Variants in MAPRE3 observed in about 807,000 individuals in gnomAD.
MAPRE3 encodes the protein microtubule associated protein RP/EB family member 3.
A neutral mutation model predicts 30.5 loss-of-function variants in MAPRE3; 2 were observed. The ratio of observed to expected loss-of-function variants is 0.07; its 90% CI spans 0.03 to 0.21. The LOEUF (loss-of-function observed/expected upper bound fraction) is 0.21. Ranked by LOEUF, MAPRE3 falls within the 10% of genes least tolerant of loss-of-function variation. The pLI, the probability that MAPRE3 is intolerant of heterozygous loss-of-function variation, is 1.00. For missense variants in MAPRE3, 204 were observed against 351.8 expected, an observed-to-expected ratio of 0.58 and a Z score of 3.36; for synonymous variants, 110 against 127.7, an observed-to-expected ratio of 0.86 and a Z score of 0.93.
chr2:26,977,123 A>T (rs541283914), intron 1 of MAPRE3, among the ~76,000 whole-genome samples: 3 of 152,352 alleles, frequency 2.0e-5, no homozygotes, highest in African/African-American at 7.2e-5. Flanking sequence ...AACCATATTT[A>T]TAAAGAAAAA....
intron 1 of MAPRE3, among the ~76,000 whole-genome samples, chr2:27,017,258 G>A (rs931658915): frequency 1.3e-5 from 2 of 152,224 alleles, no homozygotes; most frequent in African/African-American, 4.8e-5. Context: ...TTAGGGCAGA[G>A]TGTAGCACCA....
intron 3 of MAPRE3, 177 bp from the exon 4 acceptor site, chr2:27,023,919 A>C (rs1041075862): frequency 1.7e-5 from 10 of 594,194 alleles, no homozygotes; most frequent in Non-Finnish European, 2.7e-5. Flanking sequence ...TGGATCTGAC[A>C]CTAGGGCCTA....
intron 1 of MAPRE3, among the ~76,000 whole-genome samples, chr2:27,021,072 G>A (rs1667101762): frequency 6.6e-6 from 1 of 151,998 alleles, no homozygotes; most frequent in Non-Finnish European, 1.5e-5. Context: ...TATTTACATC[G>A]AAGTGACATG....
rs1666225278 is a variant in MAPRE3, at chr2:26,986,599, T to C, written c.-8+15797T>C. On this transcript the variant is annotated intron_variant, in intron 1 of 6. Coordinates refer to ENST00000233121, the MANE Select transcript of MAPRE3 (RefSeq NM_012326.4). This position sits in a 1 kb window ranked among gnomAD's most constrained non-coding sequence, Gnocchi z 4.2. ...GGGTATGAATGTGAGCTAGGCAAGA[T>C]GAGGTTCTCCCTGTAAGTTTTCGAG... 1 of 152,172 alleles carries C rather than the reference T, an allele frequency of 6.6e-6. No homozygotes were observed. The highest frequency in any genetic ancestry group is 2.1e-4 in the South Asian group (1 of 4,826). The allele number at this position is 152,172 out of a possible 1,614,324, so 9.4% of individuals were successfully genotyped here. A position where few individuals can be genotyped will look rare whatever the true frequency, so the allele number is the denominator to read the frequency against.
chr2:26,999,064 T>G (rs1465356155), intron 1 of MAPRE3, among the ~76,000 whole-genome samples: 2 of 152,016 alleles, frequency 1.3e-5, no homozygotes, highest in Non-Finnish European at 2.9e-5. Context: ...GATTCAGTAT[T>G]AGGGAGACTG....
chr2:27,009,151 T>C (rs1240868338), intron 1 of MAPRE3, among the ~76,000 whole-genome samples: 1 of 152,112 alleles, frequency 6.6e-6, no homozygotes, highest in Admixed American at 6.5e-5. Flanking sequence ...AATCCATCCA[T>C]GTGATAAAAT....
intron 1 of MAPRE3, among the ~76,000 whole-genome samples, chr2:26,992,190 AG>A (rs749851348): frequency 2.0e-5 from 3 of 152,112 alleles, no homozygotes; most frequent in Admixed American, 1.3e-4. Flanking sequence ...TTTTAGGAGA[AG>A]CGTAGTACTC....
chr2:27,000,227 G>C (rs1357497455), intron 1 of MAPRE3, among the ~76,000 whole-genome samples: 4 of 152,194 alleles, frequency 2.6e-5, no homozygotes, highest in Admixed American at 6.5e-5. Context: ...TATCAAGTAA[G>C]TACTGACCAG....
chr2:26,973,555 T>G (rs1016593114), intron 1 of MAPRE3, among the ~76,000 whole-genome samples: 3 of 151,122 alleles, frequency 2.0e-5, no homozygotes, highest in Admixed American at 6.6e-5. Context: ...AGTTTTTTTT[T>G]TTTTTTTTTT....
chr2:26,971,619 CTT>C (rs201981015), intron 1 of MAPRE3, among the ~76,000 whole-genome samples: 19 of 141,218 alleles, frequency 1.3e-4, no homozygotes, highest in South Asian at 2.2e-4. Flanking sequence ...CTTTAAAATG[CTT>C]TTTTTTTTTT....
At position 27,026,527 on chromosome 2, in the gene MAPRE3, T is replaced by C; in HGVS notation, c.*179T>C. 1.8e-6 allele frequency: 1 copy of C among 564,780 alleles called. No individual in the cohort carries two copies. The highest frequency in any genetic ancestry group is 3.1e-5 in the East Asian group (1 of 32,344). The allele number at this position is 564,780 out of a possible 1,614,324, so 35.0% of individuals were successfully genotyped here. ...GGGCCGGAAAGCAGGCAGAAGCCCGTCCTGGGTGGTGCTGGCCCAGTTGGT... is the reference window on the plus strand; with the variant it reads ...GGGCCGGAAAGCAGGCAGAAGCCCGCCCTGGGTGGTGCTGGCCCAGTTGGT... On this transcript the variant is annotated 3_prime_UTR_variant, in exon 7 of 7. Transcript: ENST00000233121.
Position 26,970,788 on chromosome 2 carries a change from G to A in MAPRE3, c.-22G>A. ...CCCCTCCCCCTCCGCCTCCGCCGGA[G>A]CCGCCTCGTGCACTGTGAGTCCGGG... is the stretch of plus-strand genomic sequence containing the variant. On this transcript the variant is annotated 5_prime_UTR_variant, in exon 1 of 7. Transcript: ENST00000233121. 1 of 151,726 alleles carries A rather than the reference G, an allele frequency of 6.6e-6. No individual in the cohort carries two copies. The allele number at this position is 151,726 out of a possible 1,614,324, so 9.4% of individuals were successfully genotyped here.
intron 1 of MAPRE3, among the ~76,000 whole-genome samples, chr2:27,001,555 G>C (rs1046393197): frequency 3.3e-5 from 5 of 152,160 alleles, no homozygotes; most frequent in African/African-American, 1.2e-4. Flanking sequence ...GCATATAATT[G>C]ATAGATAGGT....
chr2:27,023,653 C>CA (rs1667162052), intron 3 of MAPRE3, 176 bp downstream of exon 3: 1 of 680,296 alleles, frequency 1.5e-6, no homozygotes, highest in Non-Finnish European at 2.6e-6. Context: ...GAAAAGCCCA[C>CA]AACACTTGCC....
intron 4 of MAPRE3, among the ~76,000 whole-genome samples, chr2:27,025,055 G>A (rs984247241): frequency 6.6e-6 from 1 of 152,210 alleles, no homozygotes. Context: ...GCGCTGGGGA[G>A]GAGCTGGGGT....
intron 1 of MAPRE3, among the ~76,000 whole-genome samples, chr2:26,995,794 T>TGTGTGTGTGTGTGTGTGG (rs1666442822): frequency 6.8e-6 from 1 of 147,160 alleles, no homozygotes; most frequent in Non-Finnish European, 1.5e-5. Flanking sequence ...TGTGTGTGTG[T>TGTGTGTGTGTGTGTGTGG]GTGTGTGTGT....
At chr2:27,013,009 A>G (rs1379898303) in intron 1 of MAPRE3, 1 of 152,638 alleles carries the variant, frequency 6.6e-6, no homozygotes, top group African/African-American at 2.4e-5. Flanking sequence ...TAAGCCAGAC[A>G]GTCCAAAGAG....
chr2:27,008,997 A>G (rs1209068531), intron 1 of MAPRE3, among the ~76,000 whole-genome samples: 1 of 152,176 alleles, frequency 6.6e-6, no homozygotes, highest in African/African-American at 2.4e-5. Flanking sequence ...ACAAAATGAC[A>G]AAATTATAGA....
At position 26,985,869 on chromosome 2, in the gene MAPRE3, C is replaced by T. The variant is rs1173968259; in HGVS notation, c.-8+15067C>T. Among the ~76,000 whole-genome samples the T allele has an allele frequency of 1.3e-5, 2 of 152,160 alleles. No individual in the cohort carries two copies. The highest frequency in any genetic ancestry group is 1.9e-4 in the East Asian group (1 of 5,172). On this transcript the variant is annotated intron_variant, in intron 1 of 6. Transcript: ENST00000233121. The surrounding 1 kb of genome is among the most constrained non-coding windows in gnomAD (Gnocchi z 4.2). ...CCACAGAAGCAGAGATTGGAGTGAC[C>T]TGAAGCCACCAGAAGCTGGAAGAGA...
Sources: gnomAD v4.1 joint callset for allele counts (sites outside exome capture counted in the v4.1 genomes callset) on GRCh38, gnomAD v4.1.1 for gene constraint, Gnocchi (gnomAD v3.1) non-coding constraint, MANE v1.5 for transcripts, NCBI Gene and HGNC (gene_info 2026-07-23, HGNC 2026-07-21) for gene names.